Variants in RNLS observed in about 807,000 individuals in gnomAD.
The protein encoded by RNLS is renalase.
Under a neutral mutation model 39.8 loss-of-function variants are expected in RNLS, and 39 were observed. The observed-to-expected ratio is 0.98, with a 90% CI of 0.76 to 1.28. The LOEUF (loss-of-function observed/expected upper bound fraction) is 1.28, where lower values mean the gene tolerates loss of function less well. RNLS is among the 50% of genes most tolerant of loss of function. The probability of loss-of-function intolerance (pLI) is 0.00; values close to 1 mark genes in which losing one functional copy is unlikely to be tolerated. For synonymous variants in RNLS, 147 were observed against 150.7 expected, an observed-to-expected ratio of 0.98 and a Z score of 0.18; for missense variants, 410 against 413.3, an observed-to-expected ratio of 0.99 and a Z score of 0.07.
the RNLS span, among the ~76,000 whole-genome samples, chr10:88,200,333 T>C: frequency 9.9e-5 from 15 of 152,226 alleles, no homozygotes; most frequent in Non-Finnish European, 1.8e-4. Flanking sequence ...CTTAGTACTT[T>C]GCAGGGATTG....
intron 6 of RNLS, among the ~76,000 whole-genome samples, chr10:88,303,878 A>C (rs1319797387): frequency 1.3e-5 from 2 of 152,172 alleles, no homozygotes; most frequent in African/African-American, 2.4e-5. Context: ...GACTGTGTAC[A>C]CAGTCACCAG....
chr10:88,284,887 C>T lies in RNLS; in HGVS notation c.*467G>A. 1.0e-6 allele frequency: 1 copy of T among 985,732 alleles called. No individual in the cohort carries two copies. Among genetic ancestry groups the T allele is most frequent in the Non-Finnish European group, 1.2e-6 (1 of 830,196 alleles). 61.1% of individuals were successfully genotyped at this position (985,732 alleles called of 1,614,324 possible). ...AGAAATAAGAATTACACTCTGTTAC[C>T]TACATTTTGGAAAAATCTTGTTTTG... On this transcript the variant is annotated 3_prime_UTR_variant, in exon 7 of 7. Transcript: ENST00000331772.
rs554179440 is a variant in RNLS, at chr10:88,555,274, C to T, written c.526+17629G>A. On this transcript the variant is annotated intron_variant, in intron 4 of 6. Coordinates refer to ENST00000331772, the MANE Select transcript of RNLS (RefSeq NM_001031709.3). ...TGGCTTTCATTCCCAGCATACCATA[C>T]AAACTGCTATTGTCAATGTCACCTT... Among the ~76,000 whole-genome samples the T allele has an allele frequency of 3.3e-5, 5 of 152,154 alleles. No individual in the cohort carries two copies. The South Asian group carries it at 1.0e-3, about 32-fold the overall frequency.
rs549693244 is a variant in RNLS at position 88,424,007 on chromosome 10, C to T, written c.527-61282G>A. ...CTCTCATGTCTTGTTTTTCTTATCT[C>T]TCATGTAAAGTCTTGTCTCACCACC... On this transcript the variant is annotated intron_variant, in intron 4 of 6. Coordinates refer to ENST00000331772, the MANE Select transcript of RNLS (RefSeq NM_001031709.3). 8.5e-4 allele frequency among the ~76,000 whole-genome samples: 129 copies of T among 152,304 alleles called. 3 individuals are homozygous for T. In the South Asian group the frequency reaches 0.017, roughly 20 times the overall value.
chr10:88,444,650 T>C (rs1455313397), intron 4 of RNLS, among the ~76,000 whole-genome samples: 1 of 152,108 alleles, frequency 6.6e-6, no homozygotes, highest in Non-Finnish European at 1.5e-5. Context: ...CTGAAAACCA[T>C]GGCACGAGAA....
At chr10:88,366,513 A>G (rs1227867468) in intron 4 of RNLS, among the ~76,000 whole-genome samples, 1 of 151,812 alleles carries the variant, frequency 6.6e-6, no homozygotes, top group Non-Finnish European at 1.5e-5. Context: ...ATGAGAGGCT[A>G]TTGATTTGGG....
intron 4 of RNLS, among the ~76,000 whole-genome samples, chr10:88,399,664 T>C (rs1419751980): frequency 3.9e-5 from 6 of 152,034 alleles, no homozygotes; most frequent in Non-Finnish European, 7.4e-5. Flanking sequence ...CTTTTTGACG[T>C]GATGAAAATA....
At chr10:88,246,070 C>T in the RNLS span, among the ~76,000 whole-genome samples, 5 of 152,312 alleles carry the variant, frequency 3.3e-5, no homozygotes, top group South Asian at 6.2e-4. Flanking sequence ...GAGCTAATAG[C>T]GTGCCTCTGT....
intron 4 of RNLS, among the ~76,000 whole-genome samples, chr10:88,400,001 T>C (rs1411673634): frequency 6.6e-6 from 1 of 151,988 alleles, no homozygotes; most frequent in Non-Finnish European, 1.5e-5. Context: ...CACTCGAATC[T>C]CTTACTCTGT....
the RNLS span, among the ~76,000 whole-genome samples, chr10:88,250,953 A>G: frequency 6.6e-6 from 1 of 152,202 alleles, no homozygotes; most frequent in Non-Finnish European, 1.5e-5. Context: ...TGCACTTGAA[A>G]CTGTTAAATG....
At position 88,296,493 on chromosome 10, in the gene RNLS, T is replaced by C. The variant is rs1264006054; in HGVS notation, c.877-10987A>G. Among the ~76,000 whole-genome samples, 6 of 152,132 alleles carry C rather than the reference T, an allele frequency of 3.9e-5. No homozygotes were observed. The East Asian group carries it at 5.8e-4, about 15-fold the overall frequency. On this transcript the variant is annotated intron_variant, in intron 6 of 6. Coordinates refer to ENST00000331772, the MANE Select transcript of RNLS (RefSeq NM_001031709.3). ...ATGTTAAATGGACTCAATGACTTTA[T>C]ATCTGGGCCATAGGATTATGGCAAA... is the stretch of plus-strand genomic sequence containing the variant.
chr10:88,404,950 T>C (rs1050790681), intron 4 of RNLS, among the ~76,000 whole-genome samples: 26 of 151,996 alleles, frequency 1.7e-4, no homozygotes, highest in African/African-American at 6.3e-4. Flanking sequence ...CAAATAAATA[T>C]TCTCCAGATG....
rs769304868 is a variant in RNLS at position 88,569,584 on chromosome 10, CA to C, written c.526+3318del. 8.7e-4 allele frequency among the ~76,000 whole-genome samples: 133 copies of C among 152,140 alleles called. 1 individual carries two copies. The highest frequency in any genetic ancestry group is 2.0e-3 in the Admixed American group (30 of 15,276). ...GTAAGTTGATAAAAAGTAAATGAAT[CA>C]AAATGAACATATAGAACTAATTAAG... On this transcript the variant is annotated intron_variant, in intron 4 of 6. Coordinates refer to ENST00000331772, the MANE Select transcript of RNLS (RefSeq NM_001031709.3).
In RNLS at chr10:88,505,089, C is replaced by T. The variant is rs1428873346; in HGVS notation, c.526+67814G>A. Among the ~76,000 whole-genome samples the T allele has an allele frequency of 2.0e-5, 3 of 151,802 alleles. No homozygotes were observed. The East Asian group carries it at 5.8e-4, about 29-fold the overall frequency. On this transcript the variant is annotated intron_variant, in intron 4 of 6. Coordinates refer to ENST00000331772, the MANE Select transcript of RNLS (RefSeq NM_001031709.3). The stretch of plus-strand genomic sequence containing the variant: ...AATAGCAACAAGAACCCCAAAAACC[C>T]AGATATTGGCTTCTAAATAACATTC...
chr10:88,200,198 C>T, the RNLS span, among the ~76,000 whole-genome samples: 3 of 152,214 alleles, frequency 2.0e-5, no homozygotes, highest in African/African-American at 7.2e-5. Context: ...AAGAATATTA[C>T]ATCCACAATG....
chr10:88,492,549 G>A (rs1174493803), intron 4 of RNLS, among the ~76,000 whole-genome samples: 1 of 151,346 alleles, frequency 6.6e-6, no homozygotes, highest in Non-Finnish European at 1.5e-5. Flanking sequence ...CTCCCGAGTA[G>A]CTAGGATTAA....
intron 4 of RNLS, among the ~76,000 whole-genome samples, chr10:88,505,485 G>C (rs1845738851): frequency 6.6e-6 from 1 of 151,570 alleles, no homozygotes; most frequent in Non-Finnish European, 1.5e-5. Context: ...GAAAGAGAGA[G>C]AGGAGGAGGC....
intron 4 of RNLS, among the ~76,000 whole-genome samples, chr10:88,378,163 G>T (rs1208384327): frequency 6.6e-6 from 1 of 151,400 alleles, no homozygotes; most frequent in African/African-American, 2.4e-5. Context: ...GTCTTCTTTA[G>T]GAATACTTAC....
chr10:88,211,322 A>G, the RNLS span, among the ~76,000 whole-genome samples: 2 of 152,190 alleles, frequency 1.3e-5, no homozygotes, highest in African/African-American at 4.8e-5. Flanking sequence ...CTGAATATCT[A>G]ACAAGTGCCA....
Sources: allele counts gnomAD v4.1 joint callset (sites outside exome capture counted in the v4.1 genomes callset), GRCh38; gene constraint gnomAD v4.1.1; transcripts MANE v1.5; gene names NCBI Gene and HGNC (gene_info 2026-07-23, HGNC 2026-07-21).